The following RTEL1 variants were observed in gnomAD, a reference collection of about 807,000 sequenced individuals.
RTEL1 encodes the protein regulator of telomere elongation helicase 1.
A neutral mutation model predicts 162.2 loss-of-function variants in RTEL1; 86 were observed. The ratio of observed to expected loss-of-function variants is 0.53; its 90% CI spans 0.45 to 0.63. The LOEUF is 0.63. Among genes scored for constraint, RTEL1 ranks in the 30% least tolerant of loss-of-function variants. RTEL1 has a pLI of 0.00. For synonymous variants in RTEL1, 958 were observed against 717.9 expected, an observed-to-expected ratio of 1.33 and a Z score of -5.35; for missense variants, 1,941 against 1,750.2, an observed-to-expected ratio of 1.11 and a Z score of -1.95.
intron 30 of RTEL1, 63 bp from the exon 31 acceptor site, chr20:63,694,309 C>CCCCCCCCCCGGGACATTGCACAAGGGGG: frequency 9.6e-7 from 1 of 1,041,420 alleles, no homozygotes; most frequent in Non-Finnish European, 1.5e-6. Flanking sequence ...GCCCTGCCCC[C>CCCCCCCCCCGGGACATTGCACAAGGGGG]CCACCCCAGG....
chr20:63,681,464 C>A, intron 14 of RTEL1: 1 of 985,320 alleles, frequency 1.0e-6, no homozygotes, highest in Non-Finnish European at 1.2e-6. Flanking sequence ...CACGCTGTAC[C>A]TGCTGGCCAC....
chr20:63,670,460 A>G lies in RTEL1; in HGVS notation c.700-2096A>G, dbSNP rs568006977. ...ACGTTTCACCAAGGTGGATGGAATGACCAGTTGAGCACATGGAAAGTCGCC... is the reference window on the plus strand; with the variant it reads ...ACGTTTCACCAAGGTGGATGGAATGGCCAGTTGAGCACATGGAAAGTCGCC... On this transcript the variant is annotated intron_variant, in intron 8 of 34. Coordinates refer to ENST00000360203, the MANE Select transcript of RTEL1 (RefSeq NM_001283009.2). Among the ~76,000 whole-genome samples, 20 of 152,020 alleles carry G rather than the reference A, an allele frequency of 1.3e-4. 1 individual carries two copies. The highest frequency in any genetic ancestry group is 4.1e-4 in the African/African-American group (17 of 41,402).
Position 63,667,494 on chromosome 20 carries a change from A to T in RTEL1, c.640A>T (p.Asn214Tyr), listed in dbSNP as rs746411863. The change falls in exon 8 of 35, where the codon AAC becomes TAC. Residue 214 changes from asparagine to tyrosine, a missense_variant. Physicochemically the swap from Asn to Tyr is moderately radical, Grantham distance 143 (BLOSUM62 -2). Transcript: ENST00000360203. Reference sequence around the variant, plus strand: ...GGTGTGCCCTTACTACCTGTCCCGGAACCTGAAGCAGCAAGCCGACATCAT... The same window carrying T: ...GGTGTGCCCTTACTACCTGTCCCGGTACCTGAAGCAGCAAGCCGACATCAT... Reference protein sequence around the residue: ...HRVCPYYLSRNLKQQADIIFM... With the variant: ...HRVCPYYLSRYLKQQADIIFM... 4.4e-5 allele frequency: 71 copies of T among 1,613,720 alleles called. No individual in the cohort carries two copies. In the Admixed American group the frequency reaches 1.2e-3, roughly 27 times the overall value.
chr20:63,681,130 T>C, intron 14 of RTEL1: 1 of 985,386 alleles, frequency 1.0e-6, no homozygotes, highest in South Asian at 4.7e-5. Flanking sequence ...ATGGGGACCC[T>C]GCAGGTTCCC....
chr20:63,673,254 C>T (rs567551443), intron 9 of RTEL1, among the ~76,000 whole-genome samples: 6 of 151,558 alleles, frequency 4.0e-5, no homozygotes, highest in Non-Finnish European at 8.8e-5. Flanking sequence ...ATTAGCTGGG[C>T]GTGGTGGCGT....
At position 63,685,593 on chromosome 20, in the gene RTEL1, A is replaced by C. The variant is rs1433854450; in HGVS notation, c.1262A>C (p.Tyr421Ser). The C allele has an allele frequency of 6.2e-7, 1 of 1,610,854 alleles. No homozygotes were observed. The highest frequency in any genetic ancestry group is 8.5e-7 in the Non-Finnish European group (1 of 1,179,356). Residue 421 changes from tyrosine to serine, a missense_variant, in exon 15 of 35, where the codon TAT (tyrosine) becomes TCT (serine). Coordinates refer to ENST00000360203, the MANE Select transcript of RTEL1 (RefSeq NM_001283009.2). ...GCAGGGCTGGGGGCCTTACAGTCCT[A>C]TAAGGTAGGGGCCACCTCCAGGAGG... is the stretch of plus-strand genomic sequence containing the variant. Reference protein sequence around the residue: ...SPAGLGALQSYKVHIHPDAGH... With the variant: ...SPAGLGALQSSKVHIHPDAGH...
intron 7 of RTEL1, among the ~76,000 whole-genome samples, chr20:63,666,505 A>G (rs1355842892): frequency 2.0e-5 from 3 of 152,180 alleles, no homozygotes; most frequent in African/African-American, 7.2e-5. Flanking sequence ...TCAAGTTATA[A>G]TAAAGCTCTT....
rs766940725 is a variant in RTEL1, at chr20:63,688,015, C to A, written c.1560C>A (p.Pro520=). The change falls in exon 18 of 35, where the codon CCC becomes CCA. Residue 520 remains proline, a synonymous_variant. Coordinates refer to ENST00000360203, the MANE Select transcript of RTEL1 (RefSeq NM_001283009.2). ...GGGTGGGGGTCGTCCCCAGAGGCCC[C>A]GATGGAGCCCAGTTGAGCTCCGCGT... The part of the protein sequence containing the change: ...QIWVGVVPRG[P]DGAQLSSAFD... 1 of 1,612,790 alleles carries A rather than the reference C, an allele frequency of 6.2e-7. No homozygotes were observed. The highest frequency in any genetic ancestry group is 2.2e-5 in the East Asian group (1 of 44,880).
chr20:63,688,253 C>G (rs746013687), intron 19 of RTEL1, 48 bp from the exon 20 acceptor site: 2 of 1,608,750 alleles, frequency 1.2e-6, no homozygotes, highest in Non-Finnish European at 1.7e-6. Flanking sequence ...GGTAGGGAAC[C>G]CTGCAGACAT....
intron 14 of RTEL1, among the ~76,000 whole-genome samples, chr20:63,684,801 T>G (rs2145408250): frequency 6.6e-6 from 1 of 152,022 alleles, no homozygotes; most frequent in East Asian, 1.9e-4. Flanking sequence ...TGCCCTGACG[T>G]TTTTTCCATA....
Position 63,690,183 on chromosome 20 carries a change from C to T in RTEL1, c.2238C>T (p.Ala746=), listed in dbSNP as rs1380171265. ...TTGGCCATGTCATCCGAGACGTGGC[C>T]CAGTTCTTCCGTGTTGCCGAGCGAA... ...DNFGHVIRDV[A]QFFRVAERTM... The change falls in exon 25 of 35, where the codon GCC becomes GCT. Residue 746 remains alanine (A), a synonymous_variant. Transcript: ENST00000360203. 6.2e-7 allele frequency: 1 copy of T among 1,612,534 alleles called. No homozygotes were observed. Among genetic ancestry groups the T allele is most frequent in the Admixed American group, 1.7e-5 (1 of 60,002 alleles).
chr20:63,690,927 G>GGGAGCCCCGGCGA lies in RTEL1; in HGVS notation c.2543_2544insCGGCGAGGAGCCC (p.Gln852ProfsTer17). ...CCTGGAGCACAGCGAACAGCGGGCG[G>GGGAGCCCCGGCGA]GGAGCCCTGGCGAGGAGCAGGTACA... On this transcript the variant is annotated frameshift_variant, in exon 27 of 35. Coordinates refer to ENST00000360203, the MANE Select transcript of RTEL1 (RefSeq NM_001283009.2). LOFTEE classifies it high-confidence loss of function. 6.4e-7 allele frequency: 1 copy of GGGAGCCCCGGCGA among 1,555,834 alleles called. No individual in the cohort carries two copies. The highest frequency in any genetic ancestry group is 1.4e-5 in the African/African-American group (1 of 73,572).
intron 22 of RTEL1, 70 bp downstream of exon 22, chr20:63,689,202 C>A (rs2090666857): frequency 6.9e-7 from 1 of 1,450,874 alleles, no homozygotes; most frequent in Non-Finnish European, 9.5e-7. Flanking sequence ...GGCTCCCCAG[C>A]AGACTCTGGG....
intron 1 of RTEL1, chr20:63,658,682 G>C (rs1345570649): frequency 6.6e-6 from 1 of 152,434 alleles, no homozygotes; most frequent in African/African-American, 2.4e-5. Flanking sequence ...CTGGAGGGAA[G>C]GGCCGACATT....
chr20:63,669,287 C>T (rs1281087405), intron 8 of RTEL1, among the ~76,000 whole-genome samples: 2 of 151,994 alleles, frequency 1.3e-5, no homozygotes, highest in Non-Finnish European at 2.9e-5. Context: ...CTTGTTTTAC[C>T]CTGTATAAAC....
Position 63,692,968 on chromosome 20 carries a change from T to C in RTEL1, c.2816T>C (p.Phe939Ser). The change falls in exon 29 of 35, where the codon TTT becomes TCT. Residue 939 changes from phenylalanine to serine, a missense_variant. Transcript: ENST00000360203. ...CTGGCCGCCTGTCTCGGCCCCCTCTTTGCTGAGGACCCCAAGAAGCACAAC... is the reference window on the plus strand; with the variant it reads ...CTGGCCGCCTGTCTCGGCCCCCTCTCTGCTGAGGACCCCAAGAAGCACAAC... ...AALAACLGPL[F>S]AEDPKKHNLL... The C allele has an allele frequency of 6.2e-7, 1 of 1,612,634 alleles. No individual in the cohort carries two copies. The highest frequency in any genetic ancestry group is 8.5e-7 in the Non-Finnish European group (1 of 1,179,830).
chr20:63,688,440 A>G, intron 20 of RTEL1, 54 bp downstream of exon 20: 2 of 1,606,772 alleles, frequency 1.2e-6, no homozygotes, highest in Non-Finnish European at 8.5e-7. Context: ...CTGGAGCATG[A>G]AGCAGGCAGT....
At chr20:63,671,715 TCTC>T (rs1475307876) in intron 8 of RTEL1, among the ~76,000 whole-genome samples, 2 of 148,542 alleles carry the variant, frequency 1.3e-5, no homozygotes, top group Non-Finnish European at 3.0e-5. Flanking sequence ...CTGGTCTCGA[TCTC>T]CTGACCTCGT....
intron 12 of RTEL1, 107 bp from the exon 13 acceptor site, chr20:63,679,742 C>A: frequency 1.2e-6 from 1 of 820,248 alleles, no homozygotes; most frequent in Middle Eastern, 3.5e-4. Flanking sequence ...ACATCTTTGA[C>A]CAGTGTCGTC....
Sources: gnomAD v4.1 joint callset for allele counts (sites outside exome capture counted in the v4.1 genomes callset) on GRCh38, gnomAD v4.1.1 for gene constraint, MANE v1.5 for transcripts, NCBI Gene and HGNC (gene_info 2026-07-23, HGNC 2026-07-21) for gene names.